Variants in CENPK observed in about 807,000 individuals in gnomAD.
CENPK encodes centromere protein K.
CENPK carries 46 observed loss-of-function variants against 40.9 expected under a neutral mutation model. That is an observed-to-expected ratio of 1.13 (90% confidence interval 0.89 to 1.44). The LOEUF (loss-of-function observed/expected upper bound fraction) is 1.44. CENPK is among the 40% of genes most tolerant of loss of function. The pLI, the probability that CENPK is intolerant of heterozygous loss-of-function variation, is 0.00. For synonymous variants in CENPK, 107 were observed against 104.4 expected (o/e 1.02, Z -0.15); for missense variants, 288 against 303.5 (o/e 0.95, Z 0.38).
the CENPK span, among the ~76,000 whole-genome samples, chr5:65,505,840 T>C: frequency 6.6e-6 from 1 of 152,240 alleles, no homozygotes; most frequent in African/African-American, 2.4e-5. Flanking sequence ...CTATGTGACA[T>C]ATGGTAGAGT....
chr5:65,525,471 T>C (rs1744531988), intron 9 of CENPK, among the ~76,000 whole-genome samples: 1 of 152,230 alleles, frequency 6.6e-6, no homozygotes, highest in Non-Finnish European at 1.5e-5. Flanking sequence ...TATGTATATG[T>C]GCTTAGCAAG....
At chr5:65,527,948 C>A (rs1745020121) in intron 9 of CENPK, among the ~76,000 whole-genome samples, 2 of 152,152 alleles carry the variant, frequency 1.3e-5, no homozygotes, top group Non-Finnish European at 2.9e-5. Context: ...TATACTCTGG[C>A]TGGGCGCAGT....
intron 10 of CENPK, 111 bp from the exon 11 acceptor site, chr5:65,518,744 T>A: frequency 1.6e-6 from 1 of 627,124 alleles, no homozygotes; most frequent in Non-Finnish European, 2.7e-6. Context: ...AACAACTGTT[T>A]AATACTTTTA....
intron 6 of CENPK, among the ~76,000 whole-genome samples, chr5:65,535,573 G>A (rs992670071): frequency 1.3e-5 from 2 of 152,192 alleles, no homozygotes; most frequent in Non-Finnish European, 2.9e-5. Flanking sequence ...CCCTAAACAA[G>A]GCTCAAGTGA....
At chr5:65,528,695 A>C (rs965364667) in intron 8 of CENPK, 117 bp from the exon 9 acceptor site, 2 of 1,257,632 alleles carry the variant, frequency 1.6e-6, no homozygotes, top group Non-Finnish European at 2.1e-6. Context: ...GCTCAAACCA[A>C]ATAACTACCT....
At chr5:65,521,605 G>T in intron 9 of CENPK, 77 bp from the exon 10 acceptor site, 1 of 994,470 alleles carries the variant, frequency 1.0e-6, no homozygotes, top group South Asian at 1.4e-5. Flanking sequence ...GTTTTTATAA[G>T]ACTTTTATTT....
At chr5:65,555,996 T>C (rs371052573) in intron 2 of CENPK, among the ~76,000 whole-genome samples, 1 of 152,208 alleles carries the variant, frequency 6.6e-6, no homozygotes, top group African/African-American at 2.4e-5. Context: ...TAATGACATT[T>C]TGGTCAATCA....
downstream of CENPK, among the ~76,000 whole-genome samples, chr5:65,515,204 A>ATTTTTTTTTTTTTTTTTT (rs1554102335): frequency 8.1e-6 from 1 of 124,056 alleles, no homozygotes; most frequent in Non-Finnish European, 1.6e-5. Context: ...TCTCAAAAAA[A>ATTTTTTTTTTTTTTTTTT]TTTTTTTTTT....
chr5:65,551,643 A>C lies in CENPK; in HGVS notation c.169-7T>G. ...GCATAATTAACAATGATAGCTACAA[A>C]AGAAGAAAACAAAGTCATTTTCTGT... On this transcript the variant is annotated splice_polypyrimidine_tract_variant and splice_region_variant and intron_variant, in intron 4 of 10. Coordinates refer to ENST00000396679, the MANE Select transcript of CENPK (RefSeq NM_022145.5). 1 of 1,517,788 alleles carries C rather than the reference A, an allele frequency of 6.6e-7. No individual in the cohort carries two copies. Among genetic ancestry groups the C allele is most frequent in the East Asian group, 2.3e-5 (1 of 43,510 alleles). 94.0% of individuals were successfully genotyped at this position (1,517,788 alleles called of 1,614,324 possible).
chr5:65,521,314 C>A (rs1171678390), intron 10 of CENPK, among the ~76,000 whole-genome samples, 161 bp downstream of exon 10: 2 of 152,060 alleles, frequency 1.3e-5, no homozygotes, highest in Non-Finnish European at 2.9e-5. Flanking sequence ...GGAACAGAAA[C>A]TAATTTTATA....
intron 6 of CENPK, 53 bp downstream of exon 6, chr5:65,542,749 T>C (rs1748194416): frequency 2.2e-6 from 3 of 1,337,514 alleles, no homozygotes; most frequent in Non-Finnish European, 3.2e-6. Context: ...TTATCTAAAA[T>C]AGATCTAGTT....
chr5:65,510,034 G>A, the CENPK span, among the ~76,000 whole-genome samples: 1 of 152,292 alleles, frequency 6.6e-6, no homozygotes, highest in East Asian at 1.9e-4. Flanking sequence ...CATAGTCCCT[G>A]AGATACAATA....
the CENPK span, among the ~76,000 whole-genome samples, chr5:65,503,859 T>C: frequency 6.6e-6 from 1 of 151,858 alleles, no homozygotes; most frequent in African/African-American, 2.4e-5. Context: ...GGTTTCACCA[T>C]ATTGGTCAGA....
chr5:65,496,755 T>C, the CENPK span, among the ~76,000 whole-genome samples: 1 of 152,072 alleles, frequency 6.6e-6, no homozygotes, highest in Non-Finnish European at 1.5e-5. Flanking sequence ...AGTATATTTT[T>C]ACTATAAAAA....
chr5:65,556,886 T>C (rs982149059), intron 2 of CENPK, among the ~76,000 whole-genome samples: 1 of 152,258 alleles, frequency 6.6e-6, no homozygotes, highest in Non-Finnish European at 1.5e-5. Flanking sequence ...CTGTTACAAT[T>C]ACCTACGGTA....
At chr5:65,502,633 T>C in the CENPK span, among the ~76,000 whole-genome samples, 98 of 152,114 alleles carry the variant, frequency 6.4e-4, 1 homozygote, top group Non-Finnish European at 3.1e-4. Flanking sequence ...TTTTAAGAAA[T>C]AGGGTCTCAC....
the CENPK span, among the ~76,000 whole-genome samples, chr5:65,501,502 G>A: frequency 2.6e-5 from 4 of 152,000 alleles, no homozygotes; most frequent in African/African-American, 7.2e-5. Flanking sequence ...TGATGTTGCT[G>A]TATGTTGTCT....
intron 2 of CENPK, among the ~76,000 whole-genome samples, chr5:65,557,271 G>C (rs1337296321): frequency 6.6e-6 from 1 of 152,122 alleles, no homozygotes; most frequent in African/African-American, 2.4e-5. Context: ...ATATAGAGGA[G>C]CAAACTGTTT....
chr5:65,516,140 T>C (rs1281690349), downstream of CENPK, among the ~76,000 whole-genome samples: 3 of 152,168 alleles, frequency 2.0e-5, no homozygotes, highest in Admixed American at 6.5e-5. Context: ...CTTCAACATA[T>C]AAATCTGGGG....
Sources: gnomAD v4.1 joint callset for allele counts (sites outside exome capture counted in the v4.1 genomes callset) on GRCh38, gnomAD v4.1.1 for gene constraint, MANE v1.5 for transcripts, NCBI Gene and HGNC (gene_info 2026-07-23, HGNC 2026-07-21) for gene names.